Variants in ACSL1 observed in about 807,000 individuals in gnomAD.
The protein encoded by ACSL1 is long-chain-fatty-acid--CoA ligase 1.
A neutral mutation model predicts 98.4 loss-of-function variants in ACSL1; 41 were observed. The observed-to-expected ratio is 0.42, with a 90% confidence interval of 0.32 to 0.54. The LOEUF (loss-of-function observed/expected upper bound fraction) is 0.54. Ranked by LOEUF, ACSL1 falls within the 20% of genes least tolerant of loss-of-function variation. ACSL1 has a pLI of 0.13. For missense variants in ACSL1, 734 were observed against 883.1 expected (o/e 0.83, Z 2.14); for synonymous variants, 316 against 322.7 (o/e 0.98, Z 0.22).
intron 2 of ACSL1, among the ~76,000 whole-genome samples, chr4:184,790,766 T>C (rs868446533): frequency 7.9e-5 from 12 of 152,362 alleles, no homozygotes; most frequent in South Asian, 6.2e-4. Context: ...AATATGATTG[T>C]GTAGAATATT....
chr4:184,764,736 C>T (rs1252686782), intron 15 of ACSL1, 117 bp downstream of exon 15: 4 of 914,344 alleles, frequency 4.4e-6, no homozygotes, highest in Admixed American at 2.9e-5. Flanking sequence ...TGATCAGAAA[C>T]ATAGCACTTT....
chr4:184,775,320 T>C (rs2150327110), intron 7 of ACSL1, among the ~76,000 whole-genome samples: 1 of 152,162 alleles, frequency 6.6e-6, no homozygotes, highest in East Asian at 1.9e-4. Flanking sequence ...AATATAAACT[T>C]TATATTATAA....
At chr4:184,786,595 T>C (rs957192632) in intron 3 of ACSL1, among the ~76,000 whole-genome samples, 1 of 152,168 alleles carries the variant, frequency 6.6e-6, no homozygotes, top group African/African-American at 2.4e-5. Flanking sequence ...TCCTTTGTAA[T>C]AGGGCTTAAT....
intron 11 of ACSL1, 159 bp downstream of exon 11, chr4:184,770,240 G>A (rs933034335): frequency 2.6e-6 from 4 of 1,537,806 alleles, no homozygotes; most frequent in Non-Finnish European, 2.6e-6. Flanking sequence ...ATGACAGTCC[G>A]CACGCCACAC....
chr4:184,782,813 C>T (rs1037371189), intron 4 of ACSL1, among the ~76,000 whole-genome samples: 1 of 152,120 alleles, frequency 6.6e-6, no homozygotes, highest in Non-Finnish European at 1.5e-5. Context: ...TGCATCCTGT[C>T]GACCCCAGAG....
rs1165487826 is a variant in ACSL1 at position 184,762,423 on chromosome 4, A to G, written c.1622T>C (p.Ile541Thr). ...GCAACTTACTGGTAACCATTTTCCA[A>G]TGTCCCCTGTGTGTAACCAGCCGTC... ...DKDGWLHTGD[I>T]GKWLPNGTLK... Residue 541 changes from isoleucine to threonine, a missense_variant, in exon 17 of 21, where the codon ATT (isoleucine) becomes ACT (threonine). Coordinates refer to ENST00000281455, the MANE Select transcript of ACSL1 (RefSeq NM_001995.5). The G allele has an allele frequency of 3.1e-6, 5 of 1,614,146 alleles. No homozygotes were observed. The highest frequency in any genetic ancestry group is 1.1e-5 in the South Asian group (1 of 91,086).
At chr4:184,804,894 C>T (rs749627660) in intron 1 of ACSL1, among the ~76,000 whole-genome samples, 1 of 152,200 alleles carries the variant, frequency 6.6e-6, no homozygotes, top group Non-Finnish European at 1.5e-5. Context: ...GGTAAAAACA[C>T]TGCCTACAAG....
At chr4:184,777,029 T>C in intron 5 of ACSL1, 46 bp from the exon 6 acceptor site, 3 of 1,521,582 alleles carry the variant, frequency 2.0e-6, no homozygotes, top group South Asian at 2.3e-5. Flanking sequence ...GATGTCATCA[T>C]GTAATCAATA....
intron 1 of ACSL1, among the ~76,000 whole-genome samples, chr4:184,824,745 C>T (rs1246644706): frequency 6.6e-6 from 1 of 152,104 alleles, no homozygotes; most frequent in African/African-American, 2.4e-5. Flanking sequence ...TAAAAAGCTC[C>T]ATCTTCTCAA....
At chr4:184,793,749 T>A (rs928542317) in intron 2 of ACSL1, among the ~76,000 whole-genome samples, 1 of 152,014 alleles carries the variant, frequency 6.6e-6, no homozygotes, top group South Asian at 2.1e-4. Context: ...CGTGGCTGGG[T>A]TCTAATGCGG....
At chr4:184,780,691 C>T (rs1766102780) in intron 4 of ACSL1, among the ~76,000 whole-genome samples, 1 of 152,208 alleles carries the variant, frequency 6.6e-6, no homozygotes, top group South Asian at 2.1e-4. Context: ...CTGCAGGTCA[C>T]AGACAATTAT....
In ACSL1 at chr4:184,755,962, G is replaced by A. The variant is rs1264805689; in HGVS notation, c.*1163C>T. ...AAATTAACTTTAAAAAATCCCTGGA[G>A]AAGTGAATCCCAGGAAATGAACTTT... On this transcript the variant is annotated 3_prime_UTR_variant, in exon 21 of 21. Coordinates refer to ENST00000281455, the MANE Select transcript of ACSL1 (RefSeq NM_001995.5). The A allele has an allele frequency of 6.6e-6, 1 of 152,458 alleles. No homozygotes were observed. Among genetic ancestry groups the A allele is most frequent in the Non-Finnish European group, 1.5e-5 (1 of 68,030 alleles). The allele number at this position is 152,458 out of a possible 1,614,324, so 9.4% of individuals were successfully genotyped here.
intron 3 of ACSL1, among the ~76,000 whole-genome samples, chr4:184,787,726 T>C (rs1462461564): frequency 6.6e-6 from 1 of 152,012 alleles, no homozygotes; most frequent in African/African-American, 2.4e-5. Flanking sequence ...TAGCTGGGCG[T>C]GGTGGTGCAT....
At chr4:184,768,565 A>G in intron 11 of ACSL1, 115 bp from the exon 12 acceptor site, 2 of 1,426,906 alleles carry the variant, frequency 1.4e-6, no homozygotes, top group Non-Finnish European at 1.9e-6. Flanking sequence ...CAGAAATCTT[A>G]AATTTCCTAA....
chr4:184,784,058 T>G, intron 3 of ACSL1, 67 bp from the exon 4 acceptor site: 1 of 1,314,712 alleles, frequency 7.6e-7, no homozygotes, highest in Non-Finnish European at 1.1e-6. Flanking sequence ...TTAATTTGTA[T>G]CCCAACCGCA....
intron 1 of ACSL1, among the ~76,000 whole-genome samples, chr4:184,804,238 G>C (rs1771024620): frequency 6.6e-6 from 1 of 152,216 alleles, no homozygotes. Context: ...GATATCTAAA[G>C]AGGGAATACA....
intron 17 of ACSL1, among the ~76,000 whole-genome samples, chr4:184,761,058 T>C (rs1762788350): frequency 6.6e-6 from 1 of 152,178 alleles, no homozygotes; most frequent in Non-Finnish European, 1.5e-5. Context: ...CACATCCCAG[T>C]AGTGCCGTAA....
chr4:184,779,473 C>A (rs1218466777), intron 5 of ACSL1, among the ~76,000 whole-genome samples: 4 of 152,152 alleles, frequency 2.6e-5, no homozygotes, highest in Non-Finnish European at 5.9e-5. Flanking sequence ...TGAAAATGGA[C>A]TAACACACTT....
At chr4:184,786,426 A>G (rs62338206) in intron 3 of ACSL1, among the ~76,000 whole-genome samples, 64,486 of 128,380 alleles carry the variant, frequency 0.5, 14,322 homozygotes, top group East Asian at 0.79. Flanking sequence ...AAGCACACAC[A>G]CACACACACA....
Sources: allele counts gnomAD v4.1 joint callset (sites outside exome capture counted in the v4.1 genomes callset), GRCh38; gene constraint gnomAD v4.1.1; transcripts MANE v1.5; gene names NCBI Gene and HGNC (gene_info 2026-07-23, HGNC 2026-07-21).